The following JAK2 variants were observed in gnomAD, a reference collection of about 807,000 sequenced individuals.
JAK2 encodes the protein Janus kinase 2.
A neutral mutation model predicts 139.3 loss-of-function variants in JAK2; 86 were observed. The observed-to-expected ratio is 0.62, with a 90% CI of 0.52 to 0.74. The LOEUF (loss-of-function observed/expected upper bound fraction) is 0.74, where lower values mean the gene tolerates loss of function less well. JAK2 is among the 30% of genes least tolerant of loss of function. JAK2 has a pLI of 0.00. For missense variants in JAK2, 1,421 were observed against 1,360.3 expected (o/e 1.04, Z -0.70); for synonymous variants, 490 against 437.7 (o/e 1.12, Z -1.49).
intron 3 of JAK2, among the ~76,000 whole-genome samples, chr9:5,023,158 T>C (rs1020754991): frequency 2.6e-5 from 4 of 152,200 alleles, no homozygotes; most frequent in Admixed American, 2.6e-4. Flanking sequence ...TTCATTTCCC[T>C]CTTCCCACCC....
chr9:5,033,397 A>G (rs1020843869), intron 4 of JAK2, among the ~76,000 whole-genome samples: 2 of 152,212 alleles, frequency 1.3e-5, no homozygotes, highest in African/African-American at 4.8e-5. Flanking sequence ...GAACGCCACA[A>G]AGATACTCCT....
chr9:4,999,754 C>A (rs1820818511), intron 2 of JAK2, among the ~76,000 whole-genome samples: 1 of 152,166 alleles, frequency 6.6e-6, no homozygotes, highest in Non-Finnish European at 1.5e-5. Context: ...TGGTGTACAT[C>A]ATTTTTAATA....
At chr9:5,121,635 G>C (rs984721185) in intron 22 of JAK2, among the ~76,000 whole-genome samples, 1 of 152,136 alleles carries the variant, frequency 6.6e-6, no homozygotes, top group African/African-American at 2.4e-5. Context: ...AAACTGGCAA[G>C]AGGCTTTGAA....
intron 2 of JAK2, among the ~76,000 whole-genome samples, chr9:5,012,414 T>G (rs1043040832): frequency 2.0e-5 from 3 of 152,016 alleles, no homozygotes; most frequent in African/African-American, 7.2e-5. Context: ...TCAGGAACAT[T>G]AGTGTAGTAT....
intron 14 of JAK2, among the ~76,000 whole-genome samples, chr9:5,075,635 T>C (rs1351264948): frequency 6.6e-6 from 1 of 152,206 alleles, no homozygotes; most frequent in Admixed American, 6.5e-5. Flanking sequence ...TTTCAAAGTA[T>C]TACTGATCAT....
At chr9:5,004,008 T>A (rs962320572) in intron 2 of JAK2, among the ~76,000 whole-genome samples, 3 of 152,096 alleles carry the variant, frequency 2.0e-5, no homozygotes, top group Admixed American at 1.3e-4. Flanking sequence ...ATTTAAAAAA[T>A]TTTTTTCTAA....
At chr9:5,097,381 G>GT (rs1379709607) in intron 22 of JAK2, 1 of 152,082 alleles carries the variant, frequency 6.6e-6, no homozygotes, top group African/African-American at 2.4e-5. Flanking sequence ...TCACCCTGAA[G>GT]TTTATATCCT....
At chr9:5,111,773 G>C (rs1208468024) in intron 22 of JAK2, 1 of 422,350 alleles carries the variant, frequency 2.4e-6, no homozygotes, top group Non-Finnish European at 4.7e-6. Flanking sequence ...TGGGCTTCCG[G>C]CTGCATCCAC....
chr9:5,019,107 C>A (rs2130042139), intron 2 of JAK2, among the ~76,000 whole-genome samples: 1 of 152,250 alleles, frequency 6.6e-6, no homozygotes, highest in South Asian at 2.1e-4. Context: ...TCTTGATATA[C>A]TTGGGTAGTT....
At chr9:5,100,702 G>A (rs1033071132) in intron 22 of JAK2, 1 of 152,188 alleles carries the variant, frequency 6.6e-6, no homozygotes, top group South Asian at 2.1e-4. Context: ...GAAGGAAATC[G>A]AAAGCAAATA....
intron 15 of JAK2, among the ~76,000 whole-genome samples, chr9:5,078,000 A>T (rs1819426830): frequency 6.6e-6 from 1 of 152,186 alleles, no homozygotes; most frequent in Non-Finnish European, 1.5e-5. Context: ...TGCAGAACTG[A>T]AGTAGTATTT....
chr9:5,126,936 CTTT>C lies in JAK2; in HGVS notation c.*146_*148del. ...AAGATGTGAAAATATCTGCTCAAAA[CTTT>C]CAAAGTTTAGTAAGTTTTTCTTCAT... On this transcript the variant is annotated 3_prime_UTR_variant, in exon 25 of 25. Transcript: ENST00000381652. 1 of 437,976 alleles carries C rather than the reference CTTT, an allele frequency of 2.3e-6. No individual in the cohort carries two copies. The allele number at this position is 437,976 out of a possible 1,614,324, so 27.1% of individuals were successfully genotyped here.
intron 22 of JAK2, among the ~76,000 whole-genome samples, chr9:5,120,741 G>A (rs534345564): frequency 6.6e-6 from 1 of 152,288 alleles, no homozygotes; most frequent in African/African-American, 2.4e-5. Flanking sequence ...AGACTGATTG[G>A]AGATATTTCT....
At chr9:5,077,407 A>T (rs747512898) in intron 14 of JAK2, 46 bp from the exon 15 acceptor site, 1 of 655,486 alleles carries the variant, frequency 1.5e-6, no homozygotes, top group African/African-American at 1.9e-5. Context: ...ATATTTAATT[A>T]TATTTATACT....
chr9:5,105,078 GAAAT>G (rs529056294), intron 22 of JAK2, among the ~76,000 whole-genome samples: 109 of 152,270 alleles, frequency 7.2e-4, no homozygotes, highest in Non-Finnish European at 1.4e-3. Context: ...GCAAGAGAAA[GAAAT>G]AAAGGGTATT....
At chr9:5,041,057 G>A in intron 4 of JAK2, 2 of 688,838 alleles carry the variant, frequency 2.9e-6, no homozygotes, top group Non-Finnish European at 5.3e-6. Flanking sequence ...GCGCCATAGA[G>A]GGCGTCCCTC....
chr9:4,990,139 A>C (rs1175459606), intron 2 of JAK2, among the ~76,000 whole-genome samples: 1 of 152,104 alleles, frequency 6.6e-6, no homozygotes, highest in Non-Finnish European at 1.5e-5. Flanking sequence ...AAGAAGGGAG[A>C]ATGGAGGGGA....
intron 11 of JAK2, 79 bp from the exon 12 acceptor site, chr9:5,069,846 A>T (rs1486937782): frequency 1.1e-6 from 1 of 896,268 alleles, no homozygotes; most frequent in Non-Finnish European, 1.6e-6. Flanking sequence ...CGTAGAACAC[A>T]TTTCATTTTA....
intron 2 of JAK2, among the ~76,000 whole-genome samples, chr9:5,010,054 G>A (rs1420711109): frequency 2.0e-5 from 3 of 152,160 alleles, no homozygotes; most frequent in African/African-American, 7.2e-5. Context: ...TTGGAGGCAT[G>A]AGCCATCGCA....
Sources: allele counts gnomAD v4.1 joint callset (sites outside exome capture counted in the v4.1 genomes callset), GRCh38; gene constraint gnomAD v4.1.1; transcripts MANE v1.5; gene names NCBI Gene and HGNC (gene_info 2026-07-23, HGNC 2026-07-21).